SLC38A12: variants seen among roughly 807,000 people sequenced by gnomAD.
SLC38A12 encodes the protein putative sodium-coupled neutral amino acid transporter 12.
At chr17:74,788,569 CCTCT>C in the SLC38A12 span, among the ~76,000 whole-genome samples, 6 of 152,120 alleles carry the variant, frequency 3.9e-5, no homozygotes, top group African/African-American at 1.4e-4. Flanking sequence ...TTAGTTCACA[CCTCT>C]CTCTCTCGTG....
At chr17:74,778,359 C>G in the SLC38A12 span, among the ~76,000 whole-genome samples, 3 of 152,234 alleles carry the variant, frequency 2.0e-5, no homozygotes, top group Admixed American at 2.0e-4. Context: ...AAAAGCAGCA[C>G]TGCCCTAAGT....
At chr17:74,801,598 A>G in the SLC38A12 span, among the ~76,000 whole-genome samples, 1 of 152,154 alleles carries the variant, frequency 6.6e-6, no homozygotes, top group African/African-American at 2.4e-5. Flanking sequence ...GTCAAGGAAG[A>G]ATGTGTTTCT....
the SLC38A12 span, chr17:74,838,596 A>G: frequency 7.8e-7 from 1 of 1,278,200 alleles, no homozygotes; most frequent in Non-Finnish European, 1.0e-6. Flanking sequence ...GGAACTGGCC[A>G]GCAGTGACCA....
At chr17:74,820,614 A>G in the SLC38A12 span, among the ~76,000 whole-genome samples, 1 of 152,300 alleles carries the variant, frequency 6.6e-6, no homozygotes, top group Admixed American at 6.5e-5. Flanking sequence ...ATCTAAAAAC[A>G]AAGAAGGCTG....
the SLC38A12 span, chr17:74,838,777 A>C: frequency 6.8e-7 from 1 of 1,480,256 alleles, no homozygotes; most frequent in Non-Finnish European, 9.0e-7. Flanking sequence ...CCCCAACAGC[A>C]AGAGAGCCCC....
chr17:74,836,475 G>T, the SLC38A12 span: 1 of 1,610,098 alleles, frequency 6.2e-7, no homozygotes. This position sits in a 1 kb window ranked among gnomAD's most constrained non-coding sequence, Gnocchi z 4.2. Context: ...CATCACAGGG[G>T]CCTACGCGGG....
the SLC38A12 span, chr17:74,777,610 C>A: frequency 6.7e-7 from 1 of 1,487,588 alleles, no homozygotes; most frequent in Admixed American, 2.0e-5. Context: ...CAAACAAAAT[C>A]GCCATGCTGT....
the SLC38A12 span, among the ~76,000 whole-genome samples, chr17:74,829,151 T>G: frequency 2.0e-5 from 3 of 152,036 alleles, no homozygotes; most frequent in Non-Finnish European, 2.9e-5. This position sits in a 1 kb window ranked among gnomAD's most constrained non-coding sequence, Gnocchi z 4.1. Context: ...TGAGACAGAG[T>G]CTCGCTCTGT....
At chr17:74,838,603 A>G in the SLC38A12 span, 1 of 1,307,140 alleles carries the variant, frequency 7.7e-7, no homozygotes, top group Non-Finnish European at 9.8e-7. Flanking sequence ...GCCAGCAGTG[A>G]CCACATCGCT....
chr17:74,829,479 G>A, the SLC38A12 span, among the ~76,000 whole-genome samples: 10 of 152,016 alleles, frequency 6.6e-5, no homozygotes, highest in African/African-American at 9.7e-5. This position sits in a 1 kb window ranked among gnomAD's most constrained non-coding sequence, Gnocchi z 4.1. Context: ...CCTCGGCCTC[G>A]TGTGGCCCTG....
chr17:74,790,634 T>C, the SLC38A12 span, among the ~76,000 whole-genome samples: 17 of 152,132 alleles, frequency 1.1e-4, no homozygotes, highest in Admixed American at 1.0e-3. Flanking sequence ...TGTCGTTCTG[T>C]GGCATCTCTT....
chr17:74,791,045 T>A, the SLC38A12 span: 2 of 1,612,606 alleles, frequency 1.2e-6, no homozygotes, highest in Non-Finnish European at 1.7e-6. Flanking sequence ...AGGTAGAAGT[T>A]CTTTTGGGGG....
the SLC38A12 span, among the ~76,000 whole-genome samples, chr17:74,831,536 C>T: frequency 6.6e-6 from 1 of 152,324 alleles, no homozygotes; most frequent in East Asian, 1.9e-4. Flanking sequence ...GCTCGTGTGA[C>T]CTGTGTCAGC....
At chr17:74,813,793 G>T in the SLC38A12 span, among the ~76,000 whole-genome samples, 1 of 151,706 alleles carries the variant, frequency 6.6e-6, no homozygotes, top group South Asian at 2.1e-4. Context: ...GAGCCACCAT[G>T]CCTGGCCTCC....
the SLC38A12 span, among the ~76,000 whole-genome samples, chr17:74,799,144 AGTCAGAGGGAAGCAGT>A: frequency 1.2e-4 from 19 of 152,144 alleles, no homozygotes; most frequent in Non-Finnish European, 2.4e-4. Flanking sequence ...TCCTAGAGAG[AGTCAGAGGGAAGCAGT>A]GTCAGAGGGG....
At chr17:74,786,221 C>T in the SLC38A12 span, among the ~76,000 whole-genome samples, 171 of 152,342 alleles carry the variant, frequency 1.1e-3, 1 homozygote, top group South Asian at 7.0e-3. Flanking sequence ...GGGATTCCCA[C>T]ACACGTAGGG....
At chr17:74,834,115 C>T in the SLC38A12 span, among the ~76,000 whole-genome samples, 1 of 152,064 alleles carries the variant, frequency 6.6e-6, no homozygotes, top group Non-Finnish European at 1.5e-5. Context: ...CTGTGCACAC[C>T]CCCCTCTACC....
At chr17:74,780,317 G>A in the SLC38A12 span, among the ~76,000 whole-genome samples, 3 of 152,198 alleles carry the variant, frequency 2.0e-5, no homozygotes, top group African/African-American at 4.8e-5. Context: ...GGGTGGAGAC[G>A]AGGCATGTGG....
the SLC38A12 span, chr17:74,795,768 C>CTGGG: frequency 1.4e-6 from 1 of 696,296 alleles, no homozygotes; most frequent in Non-Finnish European, 2.4e-6. Context: ...TGGCTAAGCA[C>CTGGG]TGGGGCCTTG....
Sources: allele counts gnomAD v4.1 joint callset (sites outside exome capture counted in the v4.1 genomes callset), GRCh38; gene constraint gnomAD v4.1.1; non-coding constraint Gnocchi (gnomAD v3.1); transcripts MANE v1.5; gene names NCBI Gene and HGNC (gene_info 2026-07-23, HGNC 2026-07-21).